The following FNIP2 variants were observed in gnomAD, a reference collection of about 807,000 sequenced individuals.
The protein encoded by FNIP2 is folliculin-interacting protein 2.
In FNIP2, 32 loss-of-function variants were observed where a neutral mutation model predicts 108.7. That is an observed-to-expected ratio of 0.29 (90% CI 0.22 to 0.40). The LOEUF (loss-of-function observed/expected upper bound fraction) is 0.40, where lower values mean the gene tolerates loss of function less well. Among genes scored for constraint, FNIP2 ranks in the 10% least tolerant of loss-of-function variants. The pLI, the probability that FNIP2 is intolerant of heterozygous loss-of-function variation, is 1.00. For synonymous variants in FNIP2, 480 were observed against 496.7 expected, an observed-to-expected ratio of 0.97 and a Z score of 0.45; for missense variants, 1,202 against 1,381.6, an observed-to-expected ratio of 0.87 and a Z score of 2.06.
chr4:158,798,552 A>G (rs1776662644), intron 1 of FNIP2, among the ~76,000 whole-genome samples: 1 of 152,196 alleles, frequency 6.6e-6, no homozygotes, highest in Non-Finnish European at 1.5e-5. Flanking sequence ...TTCTGCCACT[A>G]TCATGTAAAC....
chr4:158,775,667 T>G (rs917315391), intron 1 of FNIP2, among the ~76,000 whole-genome samples: 2 of 152,222 alleles, frequency 1.3e-5, no homozygotes, highest in Non-Finnish European at 2.9e-5. Context: ...AAAAGGACAA[T>G]GTGCCTTCTC....
chr4:158,889,033 G>T (rs191673052), intron 14 of FNIP2, among the ~76,000 whole-genome samples: 1 of 151,422 alleles, frequency 6.6e-6, no homozygotes, highest in Non-Finnish European at 1.5e-5. Flanking sequence ...CTACAAAAAC[G>T]TTTTTTTTAA....
At chr4:158,872,581 A>G in intron 14 of FNIP2, 1 of 985,352 alleles carries the variant, frequency 1.0e-6, no homozygotes, top group Non-Finnish European at 1.2e-6. Flanking sequence ...GAAATTCCAA[A>G]GGGTTCATAA....
Position 158,833,426 on chromosome 4 carries a change from AT to A in FNIP2, c.555-101del. Reference sequence around the variant, plus strand: ...TATAAAGAAAAGTATTGAGTGACTGATCAGTCGTTGTCTATATTTGGAAGTC... The same window carrying A: ...TATAAAGAAAAGTATTGAGTGACTGACAGTCGTTGTCTATATTTGGAAGTC... On this transcript the variant is annotated intron_variant, in intron 5 of 16. Transcript: ENST00000264433. 5.9e-6 allele frequency: 4 copies of A among 676,622 alleles called. 1 individual carries two copies. The South Asian group carries it at 7.7e-5, about 13-fold the overall frequency. 41.9% of individuals were successfully genotyped at this position (676,622 alleles called of 1,614,324 possible).
At chr4:158,811,636 A>G (rs1252176769) in intron 1 of FNIP2, among the ~76,000 whole-genome samples, 1 of 151,776 alleles carries the variant, frequency 6.6e-6, no homozygotes, top group Non-Finnish European at 1.5e-5. Context: ...TCCTAGAGGT[A>G]GAGCTTGTGA....
chr4:158,806,403 C>G, intron 1 of FNIP2: 1 of 1,289,238 alleles, frequency 7.8e-7, no homozygotes, highest in Non-Finnish European at 1.0e-6. Context: ...GGAGCACTGA[C>G]CACACGGAAC....
At chr4:158,885,225 A>G (rs1781962850) in intron 14 of FNIP2, among the ~76,000 whole-genome samples, 1 of 152,262 alleles carries the variant, frequency 6.6e-6, no homozygotes, top group Admixed American at 6.5e-5. Flanking sequence ...AAATTGCCCC[A>G]TGATCCAAAC....
chr4:158,853,305 T>C (rs896519856), intron 8 of FNIP2, among the ~76,000 whole-genome samples: 1 of 152,220 alleles, frequency 6.6e-6, no homozygotes, highest in African/African-American at 2.4e-5. Flanking sequence ...GATAATTTTT[T>C]ACTTGGAGAA....
chr4:158,821,252 A>C (rs1337692584), intron 1 of FNIP2, among the ~76,000 whole-genome samples: 1 of 152,262 alleles, frequency 6.6e-6, no homozygotes, highest in African/African-American at 2.4e-5. Flanking sequence ...GAAGGCATAA[A>C]GTGGACATAA....
chr4:158,866,240 A>C (rs1780573912), intron 12 of FNIP2, among the ~76,000 whole-genome samples: 2 of 542 alleles, frequency 3.7e-3, no homozygotes, highest in Admixed American at 0.016. Context: ...TTTTTTTGAG[A>C]CAGAGTCTTG....
chr4:158,850,730 A>G (rs978881517), intron 7 of FNIP2, among the ~76,000 whole-genome samples: 4 of 149,778 alleles, frequency 2.7e-5, no homozygotes, highest in African/African-American at 9.9e-5. Flanking sequence ...ATTTTACCTC[A>G]AAGTATAGAG....
intron 6 of FNIP2, 25 bp downstream of exon 6, chr4:158,833,653 T>C (rs747657261): frequency 1.5e-5 from 23 of 1,578,962 alleles, no homozygotes; most frequent in Non-Finnish European, 2.0e-5. Flanking sequence ...ACAAACAAAT[T>C]CTTTCTTTCT....
rs527386989 is a variant in FNIP2, at chr4:158,790,029, G to A, written c.107+20710G>A. Among the ~76,000 whole-genome samples, 4 of 151,804 alleles carry A rather than the reference G, an allele frequency of 2.6e-5. No individual in the cohort carries two copies. The East Asian group carries it at 7.8e-4, about 30-fold the overall frequency. On this transcript the variant is annotated intron_variant, in intron 1 of 16. Transcript: ENST00000264433. ...TTCCACACCTGACCTTATGGGTCAC[G>A]GTCCCAACACAATCAAAACTGCTAC...
intron 16 of FNIP2, among the ~76,000 whole-genome samples, chr4:158,900,973 C>T (rs138881125): frequency 2.4e-4 from 37 of 152,062 alleles, no homozygotes; most frequent in African/African-American, 5.1e-4. Flanking sequence ...TGGCTGGTAC[C>T]GCTTTTTCCT....
intron 3 of FNIP2, among the ~76,000 whole-genome samples, chr4:158,831,222 A>G (rs945147868): frequency 6.6e-6 from 1 of 152,298 alleles, no homozygotes; most frequent in Non-Finnish European, 1.5e-5. Flanking sequence ...TTGAGCTAAG[A>G]GGTAAAGTCA....
At chr4:158,794,074 G>C (rs552580603) in intron 1 of FNIP2, among the ~76,000 whole-genome samples, 1 of 152,308 alleles carries the variant, frequency 6.6e-6, no homozygotes, top group South Asian at 2.1e-4. Context: ...TATTCTGTGA[G>C]AAAGTTAATA....
intron 14 of FNIP2, among the ~76,000 whole-genome samples, chr4:158,874,956 G>C (rs529961237): frequency 2.0e-5 from 3 of 150,904 alleles, no homozygotes; most frequent in African/African-American, 7.3e-5. Flanking sequence ...GTGTGGCAGC[G>C]GGTGCCTGTA....
chr4:158,892,075 G>A (rs2126771575), intron 15 of FNIP2, among the ~76,000 whole-genome samples: 1 of 150,842 alleles, frequency 6.6e-6, no homozygotes, highest in East Asian at 2.0e-4. Flanking sequence ...AATATCATTT[G>A]TGTAAACATT....
At chr4:158,773,033 C>G (rs550508753) in intron 1 of FNIP2, among the ~76,000 whole-genome samples, 1 of 152,106 alleles carries the variant, frequency 6.6e-6, no homozygotes. Flanking sequence ...TTCCTCCGCT[C>G]CCACTAATAA....
Sources: allele counts gnomAD v4.1 joint callset (sites outside exome capture counted in the v4.1 genomes callset), GRCh38; gene constraint gnomAD v4.1.1; transcripts MANE v1.5; gene names NCBI Gene and HGNC (gene_info 2026-07-23, HGNC 2026-07-21).